BMP6: variants seen among roughly 807,000 people sequenced by gnomAD.
BMP6 encodes VG-1-R.
A neutral mutation model predicts 54.1 loss-of-function variants in BMP6; 17 were observed. That is an observed-to-expected ratio of 0.31 (90% confidence interval 0.22 to 0.47). The LOEUF (loss-of-function observed/expected upper bound fraction) is 0.47, where lower values mean the gene tolerates loss of function less well. Among genes scored for constraint, BMP6 ranks in the 20% least tolerant of loss-of-function variants. The probability of loss-of-function intolerance (pLI) is 1.00; values close to 1 mark genes in which losing one functional copy is unlikely to be tolerated. For missense variants in BMP6, 720 were observed against 690.4 expected, an observed-to-expected ratio of 1.04 and a Z score of -0.48; for synonymous variants, 328 against 291.2, an observed-to-expected ratio of 1.13 and a Z score of -1.28.
intron 1 of BMP6, among the ~76,000 whole-genome samples, chr6:7,809,259 G>GA (rs1253746568): frequency 6.6e-6 from 1 of 152,206 alleles, no homozygotes; most frequent in Non-Finnish European, 1.5e-5. Context: ...GAATGAGTGG[G>GA]AAATAGATAT....
intron 1 of BMP6, among the ~76,000 whole-genome samples, chr6:7,739,176 G>C (rs998002789): frequency 3.9e-5 from 6 of 152,116 alleles, no homozygotes; most frequent in African/African-American, 1.4e-4. Context: ...TTGCGTTGTG[G>C]TGACCCTGTC....
Position 7,845,352 on chromosome 6 carries a change from C to A in BMP6, c.857+20C>A. 4 of 1,597,188 alleles carry A rather than the reference C, an allele frequency of 2.5e-6. No individual in the cohort carries two copies. Among genetic ancestry groups the A allele is most frequent in the Non-Finnish European group, 3.4e-6 (4 of 1,169,318 alleles). On this transcript the variant is annotated intron_variant, in intron 2 of 6. Coordinates refer to ENST00000283147, the MANE Select transcript of BMP6 (RefSeq NM_001718.6). ...GCACAGGTATGAAGGCTCGAGAAAGCCCCAAAGGTGGGGCTGGCCCCTGTT... is the reference window on the plus strand; with the variant it reads ...GCACAGGTATGAAGGCTCGAGAAAGACCCAAAGGTGGGGCTGGCCCCTGTT...
chr6:7,871,096 GAGGGGTTATA>G (rs1362205876), intron 4 of BMP6, among the ~76,000 whole-genome samples: 2 of 152,202 alleles, frequency 1.3e-5, no homozygotes, highest in African/African-American at 4.8e-5. Context: ...TGTGTGTATT[GAGGGGTTATA>G]AAGGAAAGCA....
In BMP6 at chr6:7,735,748, CATT is replaced by C. The variant is rs1449482116; in HGVS notation, c.664+8130_664+8132del. On this transcript the variant is annotated intron_variant, in intron 1 of 6. Transcript: ENST00000283147. ...AATTGATGAACTTATATGGACACAT[CATT>C]GTCACCTAAAGTCTGTAGTTACATC... Among the ~76,000 whole-genome samples, 14 of 152,298 alleles carry C rather than the reference CATT, an allele frequency of 9.2e-5. 1 individual carries two copies. In the South Asian group the frequency reaches 2.9e-3, roughly 32 times the overall value.
intron 3 of BMP6, 54 bp from the exon 4 acceptor site, chr6:7,862,247 A>G (rs1218258753): frequency 2.5e-5 from 39 of 1,586,940 alleles, no homozygotes; most frequent in Non-Finnish European, 3.2e-5. Context: ...TGTTGTAGCT[A>G]CAGGAACAAG....
In BMP6 at chr6:7,820,459, T is replaced by G. The variant is rs76629013; in HGVS notation, c.665-24681T>G. On this transcript the variant is annotated intron_variant, in intron 1 of 6. Transcript: ENST00000283147. ...TCGGGACTTGCTGATGACTGCGCAT[T>G]GGCTCTTTTTGCTTCACGTGACCCC... 5.9e-3 allele frequency among the ~76,000 whole-genome samples: 896 copies of G among 152,334 alleles called. 4 individuals carry two copies. The highest frequency in any genetic ancestry group is 0.01 in the Non-Finnish European group (683 of 68,038).
chr6:7,761,195 T>C (rs1757607938), intron 1 of BMP6, among the ~76,000 whole-genome samples: 1 of 152,252 alleles, frequency 6.6e-6, no homozygotes, highest in East Asian at 1.9e-4. Context: ...TTTATGAGAC[T>C]CTGTTGGAGC....
Position 7,776,686 on chromosome 6 carries a change from T to A in BMP6, c.664+49067T>A, listed in dbSNP as rs1292258327. Among the ~76,000 whole-genome samples, 3 of 152,230 alleles carry A rather than the reference T, an allele frequency of 2.0e-5. No homozygotes were observed. In the East Asian group the frequency reaches 5.8e-4, roughly 29 times the overall value. Reference sequence around the variant, plus strand: ...GTGTGTAAGAGACAGGGTCTTGCTCTATCACCTAGGCTTGAGTGCAGTGGT... The same window carrying A: ...GTGTGTAAGAGACAGGGTCTTGCTCAATCACCTAGGCTTGAGTGCAGTGGT... On this transcript the variant is annotated intron_variant, in intron 1 of 6. Coordinates refer to ENST00000283147, the MANE Select transcript of BMP6 (RefSeq NM_001718.6).
chr6:7,729,985 A>C (rs1005905102), intron 1 of BMP6, among the ~76,000 whole-genome samples: 1 of 152,202 alleles, frequency 6.6e-6, no homozygotes, highest in African/African-American at 2.4e-5. Flanking sequence ...GGAAGATAGA[A>C]GTGTGCCACC....
intron 1 of BMP6, among the ~76,000 whole-genome samples, chr6:7,803,893 T>C (rs1758309075): frequency 6.6e-6 from 1 of 152,210 alleles, no homozygotes; most frequent in East Asian, 1.9e-4. Flanking sequence ...TGAAATATGG[T>C]AATTAATTTT....
chr6:7,799,163 G>C (rs1366867199), intron 1 of BMP6, among the ~76,000 whole-genome samples: 1 of 152,232 alleles, frequency 6.6e-6, no homozygotes, highest in Non-Finnish European at 1.5e-5. Flanking sequence ...AGGAGGGAGA[G>C]AGGAGAGAGC....
intron 2 of BMP6, among the ~76,000 whole-genome samples, chr6:7,850,473 G>A (rs557525693): frequency 2.0e-5 from 3 of 152,238 alleles, no homozygotes; most frequent in South Asian, 4.2e-4. Context: ...ATTTCCTCAG[G>A]CAAGCACAGG....
At chr6:7,832,317 C>A (rs923148895) in intron 1 of BMP6, among the ~76,000 whole-genome samples, 1 of 152,088 alleles carries the variant, frequency 6.6e-6, no homozygotes, top group Non-Finnish European at 1.5e-5. Flanking sequence ...GGAGGTGGGG[C>A]CTTTGGGAGG....
At chr6:7,746,180 C>A (rs910677331) in intron 1 of BMP6, among the ~76,000 whole-genome samples, 1 of 152,100 alleles carries the variant, frequency 6.6e-6, no homozygotes, top group Admixed American at 6.6e-5. Context: ...TGCCTGAATC[C>A]GAGCGTGAGT....
At chr6:7,781,928 T>A (rs1410446677) in intron 1 of BMP6, among the ~76,000 whole-genome samples, 2 of 151,430 alleles carry the variant, frequency 1.3e-5, no homozygotes, top group Non-Finnish European at 3.0e-5. Context: ...TGAGTAGTCA[T>A]GAAACGGTTT....
intron 1 of BMP6, among the ~76,000 whole-genome samples, chr6:7,727,955 G>A (rs1761776484): frequency 6.6e-6 from 1 of 152,020 alleles, no homozygotes; most frequent in Non-Finnish European, 1.5e-5. Flanking sequence ...CCCAGCTCTG[G>A]CCAGGTTAAC....
chr6:7,727,674 G>T (rs1761767252), intron 1 of BMP6, 55 bp downstream of exon 1: 4 of 1,446,896 alleles, frequency 2.8e-6, no homozygotes, highest in Non-Finnish European at 3.6e-6. Flanking sequence ...TCAGTGTCCC[G>T]GGCCCAGGGG....
At chr6:7,791,713 G>A (rs1182780770) in intron 1 of BMP6, among the ~76,000 whole-genome samples, 3 of 152,074 alleles carry the variant, frequency 2.0e-5, no homozygotes, top group Admixed American at 6.5e-5. Context: ...CACTCTTTCT[G>A]TGTTCCCTCT....
chr6:7,784,433 G>A (rs189963448), intron 1 of BMP6, among the ~76,000 whole-genome samples: 11 of 142,158 alleles, frequency 7.7e-5, no homozygotes, highest in African/African-American at 2.3e-4. Context: ...GTGTGTAGGC[G>A]TCTGAGTGTG....
Sources: allele counts gnomAD v4.1 joint callset (sites outside exome capture counted in the v4.1 genomes callset), GRCh38; gene constraint gnomAD v4.1.1; transcripts MANE v1.5; gene names NCBI Gene and HGNC (gene_info 2026-07-23, HGNC 2026-07-21).